SPCS3: variants seen among roughly 807,000 people sequenced by gnomAD.
SPCS3 encodes the protein signal peptidase complex subunit 3.
A neutral mutation model predicts 17.2 loss-of-function variants in SPCS3; 9 were observed. The ratio of observed to expected loss-of-function variants is 0.52; its 90% CI spans 0.31 to 0.91. The LOEUF is 0.91. Among genes scored for constraint, SPCS3 ranks in the 40% least tolerant of loss-of-function variants. SPCS3 has a pLI of 0.04. For missense variants in SPCS3, 139 were observed against 217.5 expected, an observed-to-expected ratio of 0.64 and a Z score of 2.27; for synonymous variants, 87 against 89.6, an observed-to-expected ratio of 0.97 and a Z score of 0.16.
rs2127002586 is a variant in SPCS3 at position 176,328,735 on chromosome 4, C to G, written c.*405C>G. 6.6e-6 allele frequency: 1 copy of G among 152,370 alleles called. No individual in the cohort carries two copies. The highest frequency in any genetic ancestry group is 1.9e-4 in the East Asian group (1 of 5,196). The allele number at this position is 152,370 out of a possible 1,614,324, so 9.4% of individuals were successfully genotyped here. A position where few individuals can be genotyped will look rare whatever the true frequency, so the allele number is the denominator to read the frequency against. On this transcript the variant is annotated 3_prime_UTR_variant, in exon 5 of 5. Coordinates refer to ENST00000503362, the MANE Select transcript of SPCS3 (RefSeq NM_021928.4). ...TTTATGCCTTGCATTCACGCAAATT[C>G]ACATTGGATGTGATTTAAAAGTAGA...
chr4:176,319,966 G>C lies in SPCS3; in HGVS notation c.-111G>C. The stretch of plus-strand genomic sequence containing the variant: ...AGGAGGCGGGGCTGCGGCGGCGCGC[G>C]CTCCCGGAACGCGCGCACCGCAGAC... On this transcript the variant is annotated 5_prime_UTR_variant, in exon 1 of 5. Transcript: ENST00000503362. The C allele has an allele frequency of 7.7e-7, 1 of 1,297,446 alleles. No individual in the cohort carries two copies. The highest frequency in any genetic ancestry group is 1.0e-6 in the Non-Finnish European group (1 of 1,002,406). The allele number at this position is 1,297,446 out of a possible 1,614,324, so 80.4% of individuals were successfully genotyped here.
rs55821823 is a variant in SPCS3, at chr4:176,328,436, G to GT, written c.*125dup. 0.071 allele frequency: 33,577 copies of GT among 471,196 alleles called. 270 individuals carry two copies. The highest frequency in any genetic ancestry group is 0.076 in the Non-Finnish European group (25,109 of 328,720). 29.2% of individuals were successfully genotyped at this position (471,196 alleles called of 1,614,324 possible). On this transcript the variant is annotated 3_prime_UTR_variant, in exon 5 of 5. Coordinates refer to ENST00000503362, the MANE Select transcript of SPCS3 (RefSeq NM_021928.4). The stretch of plus-strand genomic sequence containing the variant: ...TTGTTGGTTTGTTTTTTGGTTTTGG[G>GT]TTTTTTTTTTTTTTTTTTTGGTATA...
At chr4:176,326,267 C>T (rs1197373521) in intron 3 of SPCS3, among the ~76,000 whole-genome samples, 2 of 151,942 alleles carry the variant, frequency 1.3e-5, no homozygotes, top group Non-Finnish European at 2.9e-5. Context: ...TGCCATTGTA[C>T]TCCACCCTGG....
In SPCS3 at chr4:176,327,159, T is replaced by C. The variant is rs1225630077; in HGVS notation, c.295-3T>C. The C allele has an allele frequency of 1.3e-6, 2 of 1,533,354 alleles. No homozygotes were observed. The highest frequency in any genetic ancestry group is 1.8e-6 in the Non-Finnish European group (2 of 1,135,648). 95.0% of individuals were successfully genotyped at this position (1,533,354 alleles called of 1,614,324 possible). Reference sequence around the variant, plus strand: ...TATCTAATTAATTTTCATTTTAATATAGGCTCTGAACCAAGTTGTCCTATG... The same window carrying C: ...TATCTAATTAATTTTCATTTTAATACAGGCTCTGAACCAAGTTGTCCTATG... On this transcript the variant is annotated splice_polypyrimidine_tract_variant and splice_region_variant and intron_variant, in intron 3 of 4. Coordinates refer to ENST00000503362, the MANE Select transcript of SPCS3 (RefSeq NM_021928.4).
intron 4 of SPCS3, among the ~76,000 whole-genome samples, chr4:176,327,958 G>A (rs1731631000): frequency 6.6e-6 from 1 of 152,326 alleles, no homozygotes; most frequent in African/African-American, 2.4e-5. Context: ...TCTAACTGCA[G>A]CTGTGAGTTT....
In SPCS3 at chr4:176,319,971, C is replaced by T; in HGVS notation, c.-106C>T. 1.5e-6 allele frequency: 2 copies of T among 1,331,082 alleles called. No homozygotes were observed. Among genetic ancestry groups the T allele is most frequent in the South Asian group, 2.0e-5 (1 of 49,616 alleles). The allele number at this position is 1,331,082 out of a possible 1,614,324, so 82.5% of individuals were successfully genotyped here. On this transcript the variant is annotated 5_prime_UTR_variant, in exon 1 of 5. Coordinates refer to ENST00000503362, the MANE Select transcript of SPCS3 (RefSeq NM_021928.4). ...GCGGGGCTGCGGCGGCGCGCGCTCC[C>T]GGAACGCGCGCACCGCAGACGGCGC...
At chr4:176,327,840 G>A (rs1420111690) in intron 4 of SPCS3, among the ~76,000 whole-genome samples, 1 of 152,194 alleles carries the variant, frequency 6.6e-6, no homozygotes, top group Non-Finnish European at 1.5e-5. Context: ...GTTAAGGTTT[G>A]TCCATCTAGA....
Position 176,328,423 on chromosome 4 carries a change from T to A in SPCS3, c.*93T>A. 8.8e-7 allele frequency: 1 copy of A among 1,134,930 alleles called. No individual in the cohort carries two copies. Among genetic ancestry groups the A allele is most frequent in the African/African-American group, 1.6e-5 (1 of 61,284 alleles). The allele number at this position is 1,134,930 out of a possible 1,614,324, so 70.3% of individuals were successfully genotyped here. On this transcript the variant is annotated 3_prime_UTR_variant, in exon 5 of 5. Coordinates refer to ENST00000503362, the MANE Select transcript of SPCS3 (RefSeq NM_021928.4). The stretch of plus-strand genomic sequence containing the variant: ...ACATCTTCATGTATTGTTGGTTTGT[T>A]TTTTGGTTTTGGGTTTTTTTTTTTT...
intron 2 of SPCS3, among the ~76,000 whole-genome samples, 151 bp downstream of exon 2, chr4:176,322,394 C>T (rs747279271): frequency 4.6e-5 from 7 of 152,058 alleles, no homozygotes; most frequent in Non-Finnish European, 7.4e-5. Context: ...AATGTTAATA[C>T]CTCCCCATGA....
At chr4:176,324,917 A>G (rs566052416) in intron 3 of SPCS3, among the ~76,000 whole-genome samples, 19 of 152,302 alleles carry the variant, frequency 1.2e-4, no homozygotes, top group African/African-American at 4.3e-4. Flanking sequence ...TAGATCTGAT[A>G]ACTTGGCTGA....
At chr4:176,324,633 T>C (rs1019835082) in intron 3 of SPCS3, among the ~76,000 whole-genome samples, 1 of 152,264 alleles carries the variant, frequency 6.6e-6, no homozygotes, top group Non-Finnish European at 1.5e-5. Context: ...AAGTTCACCA[T>C]GCTACCTAGT....
At chr4:176,326,973 T>G (rs546394564) in intron 3 of SPCS3, 189 bp from the exon 4 acceptor site, 9 of 416,134 alleles carry the variant, frequency 2.2e-5, no homozygotes, top group African/African-American at 1.9e-4. Flanking sequence ...GTCATTCTTC[T>G]CTCTGAGAAA....
In SPCS3 at chr4:176,328,440, T is replaced by G. The variant is rs1413810338; in HGVS notation, c.*110T>G. The stretch of plus-strand genomic sequence containing the variant: ...TGGTTTGTTTTTTGGTTTTGGGTTT[T>G]TTTTTTTTTTTTTTTGGTATAAGAA... On this transcript the variant is annotated 3_prime_UTR_variant, in exon 5 of 5. Transcript: ENST00000503362. 1.4e-5 allele frequency: 7 copies of G among 499,832 alleles called. No homozygotes were observed. The highest frequency in any genetic ancestry group is 2.2e-5 in the African/African-American group (1 of 45,750). The allele number at this position is 499,832 out of a possible 1,614,324, so 31.0% of individuals were successfully genotyped here. A position where few individuals can be genotyped will look rare whatever the true frequency, so the allele number is the denominator to read the frequency against.
chr4:176,325,537 A>G (rs1731594673), intron 3 of SPCS3, among the ~76,000 whole-genome samples: 1 of 151,152 alleles, frequency 6.6e-6, no homozygotes. Context: ...TTTAAAATCC[A>G]TCTTAGTACC....
In SPCS3 at chr4:176,327,177, G is replaced by A. The variant is rs1203029767; in HGVS notation, c.310G>A (p.Val104Ile). 1 of 1,583,160 alleles carries A rather than the reference G, an allele frequency of 6.3e-7. No individual in the cohort carries two copies. Among genetic ancestry groups the A allele is most frequent in the South Asian group, 1.2e-5 (1 of 84,690 alleles). The change falls in exon 4 of 5, where the codon GTC becomes ATC. Residue 104 changes from valine (V) to isoleucine (I), a missense_variant. Physicochemically the swap from Val to Ile is conservative, Grantham distance 29 (BLOSUM62 3). Coordinates refer to ENST00000503362, the MANE Select transcript of SPCS3 (RefSeq NM_021928.4). ...TTTAATATAGGCTCTGAACCAAGTT[G>A]TCCTATGGGACAAGATTGTTTTGAG... is the stretch of plus-strand genomic sequence containing the variant. ...STKNNALNQV[V>I]LWDKIVLRGD...
intron 3 of SPCS3, 118 bp downstream of exon 3, chr4:176,324,375 A>T: frequency 2.1e-6 from 1 of 467,652 alleles, no homozygotes; most frequent in Non-Finnish European, 3.3e-6. Context: ...AAAACATCAC[A>T]AGCCAGTGGA....
chr4:176,330,090 C>A lies in SPCS3; in HGVS notation c.*1760C>A, dbSNP rs1240099330. 6.6e-6 allele frequency: 1 copy of A among 152,100 alleles called. No individual in the cohort carries two copies. The highest frequency in any genetic ancestry group is 1.5e-5 in the Non-Finnish European group (1 of 68,004). 9.4% of individuals were successfully genotyped at this position (152,100 alleles called of 1,614,324 possible). A position where few individuals can be genotyped will look rare whatever the true frequency, so the allele number is the denominator to read the frequency against. On this transcript the variant is annotated 3_prime_UTR_variant, in exon 5 of 5. Coordinates refer to ENST00000503362, the MANE Select transcript of SPCS3 (RefSeq NM_021928.4). ...GGACCAGTTAACTTTAATGGCCATCCTTTTACACCACACAAGTTGATAAAA... is the reference window on the plus strand; with the variant it reads ...GGACCAGTTAACTTTAATGGCCATCATTTTACACCACACAAGTTGATAAAA...
In SPCS3 at chr4:176,328,699, A is replaced by AATAACTGTATTTTAT. The variant is rs1388288823; in HGVS notation, c.*370_*384dup. 1 of 153,260 alleles carries AATAACTGTATTTTAT rather than the reference A, an allele frequency of 6.5e-6. No individual in the cohort carries two copies. The highest frequency in any genetic ancestry group is 1.9e-4 in the East Asian group (1 of 5,264). The allele number at this position is 153,260 out of a possible 1,614,324, so 9.5% of individuals were successfully genotyped here. A position where few individuals can be genotyped will look rare whatever the true frequency, so the allele number is the denominator to read the frequency against. On this transcript the variant is annotated 3_prime_UTR_variant, in exon 5 of 5. Coordinates refer to ENST00000503362, the MANE Select transcript of SPCS3 (RefSeq NM_021928.4). ...AACTTTCAGGTGCCTGTAGAGTCATAATAACTGTATTTTATGCCTTGCATT... is the reference window on the plus strand; with the variant it reads ...AACTTTCAGGTGCCTGTAGAGTCATAATAACTGTATTTTATATAACTGTATTTTATGCCTTGCATT...
chr4:176,323,237 G>A (rs34966091), intron 2 of SPCS3, among the ~76,000 whole-genome samples: 10,092 of 152,160 alleles, frequency 0.066, 371 homozygotes, highest in African/African-American at 0.09. Flanking sequence ...TTAAAAATCT[G>A]CTTAAGGGAA....
Sources: allele counts gnomAD v4.1 joint callset (sites outside exome capture counted in the v4.1 genomes callset), GRCh38; gene constraint gnomAD v4.1.1; transcripts MANE v1.5; gene names NCBI Gene and HGNC (gene_info 2026-07-23, HGNC 2026-07-21).